HMCN2: variants seen among roughly 807,000 people sequenced by gnomAD.
The protein encoded by HMCN2 is hemicentin 2, also known as hemicentin-2.
HMCN2 carries 325 observed loss-of-function variants against 377.5 expected under a neutral mutation model. The observed-to-expected ratio is 0.86, with a 90% CI of 0.79 to 0.94. The LOEUF (loss-of-function observed/expected upper bound fraction) is 0.94. Ranked by LOEUF, HMCN2 falls within the 40% of genes least tolerant of loss-of-function variation. The pLI, the probability that HMCN2 is intolerant of heterozygous loss-of-function variation, is 0.00. For missense variants in HMCN2, 4,543 were observed against 4,725.3 expected, an observed-to-expected ratio of 0.96 and a Z score of 1.13; for synonymous variants, 2,007 against 2,046.8, an observed-to-expected ratio of 0.98 and a Z score of 0.53.
chr9:130,378,873 A>G (rs1026566234), intron 53 of HMCN2, among the ~76,000 whole-genome samples: 8 of 152,190 alleles, frequency 5.3e-5, no homozygotes, highest in Admixed American at 2.0e-4. Context: ...TGATCAGAGC[A>G]GGTGACCTTG....
intron 1 of HMCN2, among the ~76,000 whole-genome samples, chr9:130,275,735 C>T (rs1161218356): frequency 6.6e-6 from 1 of 152,142 alleles, no homozygotes; most frequent in Non-Finnish European, 1.5e-5. Context: ...CAGGCGTGAG[C>T]CACCACGCCC....
intron 97 of HMCN2, 63 bp downstream of exon 97, chr9:130,432,618 G>A: frequency 2.0e-6 from 3 of 1,502,452 alleles, no homozygotes; most frequent in South Asian, 1.2e-5. Context: ...GTCACTGGGG[G>A]TGCAGGCTGG....
Position 130,346,849 on chromosome 9 carries a change from C to T in HMCN2, c.3830-317C>T, listed in dbSNP as rs1036010545. ...CAGGGAGGGCAGGGGCTGGGGGTGC[C>T]TGTTGGGGTGCAATTCTAAATGAGG... On this transcript the variant is annotated intron_variant, in intron 25 of 97. Transcript: ENST00000683500. 5.3e-5 allele frequency among the ~76,000 whole-genome samples: 8 copies of T among 152,090 alleles called. No homozygotes were observed. The East Asian group carries it at 1.5e-3, about 29-fold the overall frequency.
chr9:130,417,521 C>CA (rs397893236), intron 85 of HMCN2, among the ~76,000 whole-genome samples: 13,306 of 47,040 alleles, frequency 0.28, 1,230 homozygotes, highest in Non-Finnish European at 0.32. Context: ...GACTCCGTCT[C>CA]AAAAAAAAAA....
At chr9:130,370,059 C>T (rs957299815) in intron 45 of HMCN2, among the ~76,000 whole-genome samples, 1 of 149,756 alleles carries the variant, frequency 6.7e-6, no homozygotes, top group African/African-American at 2.5e-5. Flanking sequence ...CCCAATTTCC[C>T]CCAATTCGCC....
At chr9:130,279,431 C>T (rs146015117) in intron 1 of HMCN2, among the ~76,000 whole-genome samples, 2 of 152,214 alleles carry the variant, frequency 1.3e-5, no homozygotes, top group East Asian at 3.9e-4. Context: ...CGGCTTCCTG[C>T]AACCTCTGCC....
chr9:130,431,246 G>A (rs1040859051), intron 95 of HMCN2, 121 bp from the exon 96 acceptor site: 1 of 1,023,478 alleles, frequency 9.8e-7, no homozygotes, highest in African/African-American at 1.6e-5. Context: ...GGCAGGACAG[G>A]GAGAAGGAGC....
chr9:130,427,651 G>C, intron 92 of HMCN2, 32 bp downstream of exon 92: 1 of 1,539,856 alleles, frequency 6.5e-7, no homozygotes, highest in Non-Finnish European at 8.8e-7. Flanking sequence ...GGGAGGAGAC[G>C]CGCTCCTCAG....
chr9:130,280,634 CACTT>C (rs1482767247), intron 1 of HMCN2, among the ~76,000 whole-genome samples: 1 of 152,078 alleles, frequency 6.6e-6, no homozygotes, highest in Non-Finnish European at 1.5e-5. Context: ...AATTTGCTCA[CACTT>C]ACTTGTTCAG....
intron 1 of HMCN2, among the ~76,000 whole-genome samples, chr9:130,278,051 T>C (rs1411782196): frequency 9.8e-5 from 10 of 101,696 alleles, no homozygotes; most frequent in Non-Finnish European, 1.9e-4. Flanking sequence ...ACCATCATCA[T>C]TACCACCACC....
intron 18 of HMCN2, 71 bp from the exon 19 acceptor site, chr9:130,321,716 C>T (rs1179470956): frequency 6.6e-6 from 1 of 152,216 alleles, no homozygotes; most frequent in African/African-American, 2.4e-5. Flanking sequence ...AGCATAGTTT[C>T]CCGAGGGTTC....
chr9:130,429,153 C>T (rs1180339621), intron 93 of HMCN2: 1 of 194,194 alleles, frequency 5.1e-6, no homozygotes, highest in Non-Finnish European at 1.1e-5. Context: ...GCCTTTCCTC[C>T]TTTCTCACCA....
chr9:130,345,736 C>T (rs1839359590), intron 25 of HMCN2, among the ~76,000 whole-genome samples: 3 of 151,900 alleles, frequency 2.0e-5, no homozygotes, highest in Middle Eastern at 3.4e-3. Context: ...CAGAGGAAAA[C>T]GGGCACAGGG....
intron 43 of HMCN2, among the ~76,000 whole-genome samples, chr9:130,367,657 G>T (rs1395200515): frequency 6.6e-6 from 1 of 151,876 alleles, no homozygotes; most frequent in African/African-American, 2.4e-5. Flanking sequence ...GATCCCAGGG[G>T]GAGGCTGGTC....
At chr9:130,417,236 C>T (rs1843742055) in intron 85 of HMCN2, among the ~76,000 whole-genome samples, 1 of 151,914 alleles carries the variant, frequency 6.6e-6, no homozygotes. Flanking sequence ...TAAAAGAGAG[C>T]CGGGGCCGGA....
At chr9:130,269,227 G>A (rs1428105313) in intron 1 of HMCN2, among the ~76,000 whole-genome samples, 12 of 140,742 alleles carry the variant, frequency 8.5e-5, no homozygotes, top group Admixed American at 7.8e-4. Context: ...GAGTAGAAAA[G>A]TTAGAAATTT....
chr9:130,404,097 T>G (rs1433877108), intron 80 of HMCN2, among the ~76,000 whole-genome samples: 1 of 152,234 alleles, frequency 6.6e-6, no homozygotes, highest in Non-Finnish European at 1.5e-5. Context: ...CTAGCATCCC[T>G]CATTCATTCT....
At position 130,360,626 on chromosome 9, in the gene HMCN2, A is replaced by G; in HGVS notation, c.5950+22A>G. 1 of 1,264,834 alleles carries G rather than the reference A, an allele frequency of 7.9e-7. No individual in the cohort carries two copies. The highest frequency in any genetic ancestry group is 1.3e-5 in the South Asian group (1 of 77,336). 78.4% of individuals were successfully genotyped at this position (1,264,834 alleles called of 1,614,324 possible). A position where few individuals can be genotyped will look rare whatever the true frequency, so the allele number is the denominator to read the frequency against. On this transcript the variant is annotated intron_variant, in intron 38 of 97. Coordinates refer to ENST00000683500, the MANE Select transcript of HMCN2 (RefSeq NM_001291815.2). The surrounding 1 kb of genome is among the most constrained non-coding windows in gnomAD (Gnocchi z 4.7). ...AATGGTGAGCTTCCCTGGGCCTACAAGGTCCCTTGTCCAAAAAGTTGTCTT... is the reference window on the plus strand; with the variant it reads ...AATGGTGAGCTTCCCTGGGCCTACAGGGTCCCTTGTCCAAAAAGTTGTCTT...
chr9:130,350,738 T>A (rs1172485309), intron 29 of HMCN2, among the ~76,000 whole-genome samples: 23 of 81,384 alleles, frequency 2.8e-4, no homozygotes, highest in African/African-American at 7.6e-4. Flanking sequence ...TACAAAAATA[T>A]ATATATATAT....
Sources: allele counts gnomAD v4.1 joint callset (sites outside exome capture counted in the v4.1 genomes callset), GRCh38; gene constraint gnomAD v4.1.1; non-coding constraint Gnocchi (gnomAD v3.1); transcripts MANE v1.5; gene names NCBI Gene and HGNC (gene_info 2026-07-23, HGNC 2026-07-21).